Variants in CDH18 observed in about 807,000 individuals in gnomAD.
The protein encoded by CDH18 is cadherin 18, also known as cadherin-18.
CDH18 carries 31 observed loss-of-function variants against 67.9 expected under a neutral mutation model. The observed-to-expected ratio is 0.46, with a 90% CI of 0.34 to 0.62. The LOEUF (loss-of-function observed/expected upper bound fraction) is 0.62. CDH18 is among the 20% of genes least tolerant of loss of function. CDH18 has a pLI of 0.01. For synonymous variants in CDH18, 362 were observed against 347.2 expected (o/e 1.04, Z -0.48); for missense variants, 890 against 975.5 (o/e 0.91, Z 1.17).
chr5:20,461,999 CA>C (rs2150225016), intron 1 of CDH18, among the ~76,000 whole-genome samples: 1 of 152,188 alleles, frequency 6.6e-6, no homozygotes, highest in African/African-American at 2.4e-5. Flanking sequence ...CCATATAATC[CA>C]GCAATGTCAC....
chr5:20,197,949 CT>C (rs1403547402), intron 2 of CDH18, among the ~76,000 whole-genome samples: 1 of 152,090 alleles, frequency 6.6e-6, no homozygotes, highest in Non-Finnish European at 1.5e-5. Context: ...CCCTATGCTG[CT>C]TTTATGATAG....
rs1277586706 is a variant in CDH18 at position 19,776,203 on chromosome 5, A to G, written c.229-28967T>C. 4.6e-5 allele frequency among the ~76,000 whole-genome samples: 7 copies of G among 152,208 alleles called. No homozygotes were observed. In the East Asian group the frequency reaches 7.7e-4, roughly 17 times the overall value. On this transcript the variant is annotated intron_variant, in intron 3 of 12. Transcript: ENST00000382275. ...CAGATTTGACACAATAAAGAAAATT[A>G]GAGTAAACTTAAACATTATGGTCAT...
At chr5:20,194,512 A>G (rs905060293) in intron 2 of CDH18, among the ~76,000 whole-genome samples, 2 of 152,082 alleles carry the variant, frequency 1.3e-5, no homozygotes, top group Non-Finnish European at 2.9e-5. Flanking sequence ...GACACTCTGA[A>G]CAGATATAAG....
At chr5:19,976,632 G>A (rs1798531556) in intron 2 of CDH18, among the ~76,000 whole-genome samples, 1 of 152,106 alleles carries the variant, frequency 6.6e-6, no homozygotes, top group Non-Finnish European at 1.5e-5. Flanking sequence ...GAGGACTGGA[G>A]GGGATTGGGA....
At chr5:19,747,972 G>A (rs555920691) in intron 3 of CDH18, among the ~76,000 whole-genome samples, 8 of 150,642 alleles carry the variant, frequency 5.3e-5, no homozygotes, top group Non-Finnish European at 1.0e-4. Flanking sequence ...AACTAGCCGG[G>A]CGTGGTGGCG....
intron 6 of CDH18, among the ~76,000 whole-genome samples, chr5:19,597,903 C>G (rs1396089587): frequency 1.3e-5 from 2 of 151,998 alleles, no homozygotes; most frequent in Admixed American, 6.5e-5. Flanking sequence ...ATTTTTTATT[C>G]AAAATCATAA....
chr5:20,144,239 C>T (rs1249369263), intron 2 of CDH18, among the ~76,000 whole-genome samples: 2 of 151,968 alleles, frequency 1.3e-5, no homozygotes, highest in African/African-American at 4.8e-5. Flanking sequence ...GGAGGCATCT[C>T]GGGGGTAGGG....
chr5:19,739,888 C>A (rs1195570830), intron 4 of CDH18, among the ~76,000 whole-genome samples: 1 of 151,972 alleles, frequency 6.6e-6, no homozygotes, highest in Non-Finnish European at 1.5e-5. Context: ...CAACAAGAAG[C>A]ACAATAAAGT....
chr5:19,748,131 A>AAAAAAAAAAAAAAAAAAAAT (rs1561215781), intron 3 of CDH18, among the ~76,000 whole-genome samples: 1 of 144,534 alleles, frequency 6.9e-6, no homozygotes, highest in Non-Finnish European at 1.5e-5. Context: ...AAAAAAAAAA[A>AAAAAAAAAAAAAAAAAAAAT]AAGAGTACTT....
chr5:19,847,324 A>G (rs1783103956), intron 2 of CDH18, among the ~76,000 whole-genome samples: 1 of 151,958 alleles, frequency 6.6e-6, no homozygotes, highest in South Asian at 2.1e-4. Flanking sequence ...TATTCTCTCC[A>G]TAGACTGAAT....
intron 1 of CDH18, among the ~76,000 whole-genome samples, chr5:20,405,063 T>C (rs942665950): frequency 1.3e-5 from 2 of 152,150 alleles, no homozygotes; most frequent in Non-Finnish European, 2.9e-5. Context: ...AATGACTTTC[T>C]TCACAGAATT....
intron 1 of CDH18, among the ~76,000 whole-genome samples, chr5:20,435,946 C>T (rs561668540): frequency 2.6e-5 from 4 of 151,984 alleles, no homozygotes; most frequent in African/African-American, 7.2e-5. Flanking sequence ...ATTGCCTTTT[C>T]GTTAGGCTTA....
At chr5:19,695,088 G>A (rs369184781) in intron 5 of CDH18, among the ~76,000 whole-genome samples, 40 of 152,198 alleles carry the variant, frequency 2.6e-4, no homozygotes, top group Middle Eastern at 6.8e-3. Context: ...GGGATCACAC[G>A]AGTTTTTTCT....
intron 2 of CDH18, among the ~76,000 whole-genome samples, chr5:19,846,792 A>G (rs1381768067): frequency 1.3e-5 from 2 of 152,096 alleles, no homozygotes; most frequent in Admixed American, 6.6e-5. Flanking sequence ...CTCCTTTTGG[A>G]ATCTTTTGTA....
At chr5:20,311,188 A>G (rs1334052696) in intron 1 of CDH18, among the ~76,000 whole-genome samples, 1 of 152,182 alleles carries the variant, frequency 6.6e-6, no homozygotes, top group Non-Finnish European at 1.5e-5. Flanking sequence ...ACGCTTTTAC[A>G]CTTTTGGTGG....
chr5:20,016,012 T>C (rs891494878), intron 2 of CDH18, among the ~76,000 whole-genome samples: 1 of 152,118 alleles, frequency 6.6e-6, no homozygotes, highest in African/African-American at 2.4e-5. Flanking sequence ...CACTTACACA[T>C]GTATATTCAT....
intron 5 of CDH18, among the ~76,000 whole-genome samples, chr5:19,677,529 AAC>A (rs1759667013): frequency 6.6e-6 from 1 of 152,070 alleles, no homozygotes; most frequent in African/African-American, 2.4e-5. Context: ...AACAGCTAAC[AAC>A]ACAACGGCAG....
At chr5:19,703,434 A>G (rs1763528784) in intron 5 of CDH18, among the ~76,000 whole-genome samples, 1 of 152,176 alleles carries the variant, frequency 6.6e-6, no homozygotes, top group Non-Finnish European at 1.5e-5. Flanking sequence ...GTAACAGAAG[A>G]GGTGACAGAG....
intron 1 of CDH18, among the ~76,000 whole-genome samples, chr5:20,322,813 A>G (rs547436519): frequency 9.4e-4 from 143 of 152,304 alleles, no homozygotes; most frequent in Non-Finnish European, 1.6e-3. Flanking sequence ...TATTGTCTTC[A>G]TAAAGAAATG....
Sources: allele counts gnomAD v4.1 joint callset (sites outside exome capture counted in the v4.1 genomes callset), GRCh38; gene constraint gnomAD v4.1.1; transcripts MANE v1.5; gene names NCBI Gene and HGNC (gene_info 2026-07-23, HGNC 2026-07-21).